CDH13: variants seen among roughly 807,000 people sequenced by gnomAD.
CDH13 encodes the protein cadherin-13.
Under a neutral mutation model 63.8 loss-of-function variants are expected in CDH13, and 24 were observed. The ratio of observed to expected loss-of-function variants is 0.38; its 90% CI spans 0.27 to 0.53. The LOEUF (loss-of-function observed/expected upper bound fraction) is 0.53, where lower values mean the gene tolerates loss of function less well. Among genes scored for constraint, CDH13 ranks in the 20% least tolerant of loss-of-function variants. CDH13 has a pLI of 0.85. For missense variants in CDH13, 1,049 were observed against 903.1 expected, an observed-to-expected ratio of 1.16 and a Z score of -2.07; for synonymous variants, 503 against 355.3, an observed-to-expected ratio of 1.42 and a Z score of -4.67.
chr16:83,102,216 C>A (rs2151603505), intron 3 of CDH13, among the ~76,000 whole-genome samples: 1 of 152,270 alleles, frequency 6.6e-6, no homozygotes, highest in Middle Eastern at 3.4e-3. Context: ...CTGATGACAC[C>A]TTGATTTTAG....
At chr16:83,335,233 G>A (rs886107329) in intron 5 of CDH13, among the ~76,000 whole-genome samples, 1 of 152,128 alleles carries the variant, frequency 6.6e-6, no homozygotes, top group African/African-American at 2.4e-5. Flanking sequence ...CTTTCAGACT[G>A]CCTTCCAGGA....
intron 7 of CDH13, among the ~76,000 whole-genome samples, chr16:83,540,394 T>C (rs1852303283): frequency 6.6e-6 from 1 of 152,178 alleles, no homozygotes; most frequent in Admixed American, 6.5e-5. Context: ...ATCTGAAGCC[T>C]GTTAGTAATA....
At chr16:83,268,139 T>G (rs2088681772) in intron 5 of CDH13, among the ~76,000 whole-genome samples, 1 of 152,132 alleles carries the variant, frequency 6.6e-6, no homozygotes, top group Non-Finnish European at 1.5e-5. Context: ...AGGACCAGAG[T>G]AAACCCCTGA....
chr16:83,779,074 T>C (rs886614167), intron 11 of CDH13, among the ~76,000 whole-genome samples: 1 of 152,228 alleles, frequency 6.6e-6, no homozygotes, highest in African/African-American at 2.4e-5. Context: ...AGAAGCTTAG[T>C]ATTCTAAGGG....
intron 1 of CDH13, among the ~76,000 whole-genome samples, chr16:82,702,951 A>T (rs996793589): frequency 6.6e-6 from 1 of 151,840 alleles, no homozygotes; most frequent in Non-Finnish European, 1.5e-5. Flanking sequence ...GTGTGCAGGG[A>T]CCTTTTTTTA....
At chr16:82,879,798 AATAT>A (rs1274394555) in intron 2 of CDH13, among the ~76,000 whole-genome samples, 5 of 135,884 alleles carry the variant, frequency 3.7e-5, no homozygotes, top group African/African-American at 1.3e-4. Flanking sequence ...ATAAAATATG[AATAT>A]ATATTATATA....
intron 2 of CDH13, among the ~76,000 whole-genome samples, chr16:83,018,913 G>A (rs1350230057): frequency 3.9e-5 from 6 of 152,318 alleles, no homozygotes; most frequent in East Asian, 1.9e-4. Context: ...CCTGTATAGG[G>A]CACTTACTAC....
At chr16:83,495,479 C>G (rs1282758970) in intron 7 of CDH13, among the ~76,000 whole-genome samples, 1 of 152,144 alleles carries the variant, frequency 6.6e-6, no homozygotes, top group Non-Finnish European at 1.5e-5. Context: ...GTAAATGTTT[C>G]TTGTCAGACT....
At chr16:82,994,945 C>G (rs1796075707) in intron 2 of CDH13, among the ~76,000 whole-genome samples, 1 of 152,152 alleles carries the variant, frequency 6.6e-6, no homozygotes, top group Non-Finnish European at 1.5e-5. Context: ...TGATGCGGCT[C>G]CATTTCTTCA....
intron 10 of CDH13, among the ~76,000 whole-genome samples, chr16:83,731,410 G>A (rs377376878): frequency 5.3e-5 from 8 of 152,180 alleles, no homozygotes; most frequent in African/African-American, 1.9e-4. Flanking sequence ...TTTCTCTGAG[G>A]ATTAGTGACG....
intron 1 of CDH13, among the ~76,000 whole-genome samples, chr16:82,652,036 C>T (rs551425042): frequency 6.6e-6 from 1 of 152,332 alleles, no homozygotes; most frequent in South Asian, 2.1e-4. Context: ...TTGAAAGAAA[C>T]AACTTGCTCG....
chr16:83,512,725 G>T (rs1314990298), intron 7 of CDH13, among the ~76,000 whole-genome samples: 3 of 150,336 alleles, frequency 2.0e-5, no homozygotes, highest in Admixed American at 6.6e-5. Context: ...ACATGGGGAA[G>T]GAATATGTTC....
chr16:82,738,489 C>G (rs901645193), intron 1 of CDH13, among the ~76,000 whole-genome samples: 1 of 152,220 alleles, frequency 6.6e-6, no homozygotes, highest in African/African-American at 2.4e-5. Flanking sequence ...CCTTTCTGCC[C>G]TAAAACGTTT....
At chr16:83,481,932 G>T (rs1214729513) in intron 6 of CDH13, among the ~76,000 whole-genome samples, 4 of 152,164 alleles carry the variant, frequency 2.6e-5, no homozygotes, top group African/African-American at 9.7e-5. Flanking sequence ...TCCAGTGTGT[G>T]GGACTGCATA....
chr16:82,805,297 T>C (rs2037086775), intron 1 of CDH13, among the ~76,000 whole-genome samples: 1 of 152,204 alleles, frequency 6.6e-6, no homozygotes, highest in Admixed American at 6.5e-5. Flanking sequence ...GAATGGTGAC[T>C]CTGAAAAACA....
chr16:83,119,881 C>T (rs911801402), intron 3 of CDH13, among the ~76,000 whole-genome samples: 1 of 152,142 alleles, frequency 6.6e-6, no homozygotes, highest in Non-Finnish European at 1.5e-5. Context: ...GACACTTGGC[C>T]ACAAACACAT....
Position 83,284,054 on chromosome 16 carries a change from C to A in CDH13, c.637-60808C>A, listed in dbSNP as rs150357910. 3.9e-5 allele frequency among the ~76,000 whole-genome samples: 6 copies of A among 152,296 alleles called. No homozygotes were observed. In the East Asian group the frequency reaches 5.8e-4, roughly 15 times the overall value. ...ATTCTCTGTGAGATCTGAAACCAAG[C>A]CCCTGTAGTCTGTGTGTTATCAAAC... On this transcript the variant is annotated intron_variant, in intron 5 of 13. Transcript: ENST00000567109.
At chr16:83,380,456 A>G (rs78600318) in intron 6 of CDH13, among the ~76,000 whole-genome samples, 1 of 152,128 alleles carries the variant, frequency 6.6e-6, no homozygotes, top group South Asian at 2.1e-4. Flanking sequence ...TGACAGATAC[A>G]CGTGAAACCT....
chr16:83,116,750 A>T (rs73602272), intron 3 of CDH13, among the ~76,000 whole-genome samples: 1 of 152,210 alleles, frequency 6.6e-6, no homozygotes, highest in African/African-American at 2.4e-5. Flanking sequence ...ACACACTTAA[A>T]ACGGGTGAAT....
Sources: gnomAD v4.1 joint callset for allele counts (sites outside exome capture counted in the v4.1 genomes callset) on GRCh38, gnomAD v4.1.1 for gene constraint, MANE v1.5 for transcripts, NCBI Gene and HGNC (gene_info 2026-07-23, HGNC 2026-07-21) for gene names.